The following DHX8 variants were observed in gnomAD, a reference collection of about 807,000 sequenced individuals.
DHX8 encodes ATP-dependent RNA helicase DHX8.
Under a neutral mutation model 140.7 loss-of-function variants are expected in DHX8, and 67 were observed. The ratio of observed to expected loss-of-function variants is 0.48; its 90% CI spans 0.39 to 0.58. The LOEUF is 0.58. DHX8 is among the 20% of genes least tolerant of loss of function. The pLI is 0.00. For synonymous variants in DHX8, 533 were observed against 553.2 expected, an observed-to-expected ratio of 0.96 and a Z score of 0.51; for missense variants, 887 against 1,550.7, an observed-to-expected ratio of 0.57 and a Z score of 7.19.
intron 2 of DHX8, chr17:43,532,838 G>A (rs1429973238): frequency 1.2e-6 from 2 of 1,613,728 alleles, no homozygotes; most frequent in Non-Finnish European, 1.7e-6. Flanking sequence ...GGGTGGGCAG[G>A]GCTCCGACAG....
intron 3 of DHX8, among the ~76,000 whole-genome samples, chr17:43,538,140 C>CAA (rs34924870): frequency 9.0e-6 from 1 of 110,740 alleles, no homozygotes; most frequent in Non-Finnish European, 1.9e-5. Context: ...GACTCCATTT[C>CAA]AAAAAAAAAA....
chr17:43,502,026 G>A (rs1047844246), intron 11 of DHX8, among the ~76,000 whole-genome samples: 1 of 152,196 alleles, frequency 6.6e-6, no homozygotes, highest in African/African-American at 2.4e-5. Context: ...CCAGGTTTCT[G>A]GTATGAGCAC....
chr17:43,540,317 G>A (rs1294231782), intron 3 of DHX8, among the ~76,000 whole-genome samples: 2 of 152,162 alleles, frequency 1.3e-5, no homozygotes, highest in Non-Finnish European at 2.9e-5. Flanking sequence ...GCCAGGCATG[G>A]TGGTTCTCGC....
At chr17:43,487,315 C>T (rs1282608756) in intron 1 of DHX8, among the ~76,000 whole-genome samples, 2 of 152,214 alleles carry the variant, frequency 1.3e-5, no homozygotes, top group Non-Finnish European at 2.9e-5. Context: ...GATAAAGGCA[C>T]ATTCCAGGAT....
downstream of DHX8, chr17:43,544,657 T>C (rs541746436): frequency 5.4e-4 from 132 of 246,068 alleles, no homozygotes; most frequent in South Asian, 0.01. Context: ...ACTTTACAAA[T>C]GAAAATTTCA....
Position 43,508,454 on chromosome 17 carries a change from G to A in DHX8, c.2436G>A (p.Val812=), listed in dbSNP as rs752133812. Residue 812 remains valine, a synonymous_variant, in exon 16 of 23, where the codon GTG becomes GTA. Coordinates refer to ENST00000262415, the MANE Select transcript of DHX8 (RefSeq NM_004941.3). ...PDVPELIILP[V]YSALPSEMQT... The stretch of plus-strand genomic sequence containing the variant: ...TTCCAGAGTTAATTATCCTCCCAGT[G>A]TACTCTGCTCTTCCCAGTGAGATGC... The A allele has an allele frequency of 6.2e-6, 10 of 1,613,820 alleles. No individual in the cohort carries two copies. Among genetic ancestry groups the A allele is most frequent in the Non-Finnish European group, 8.5e-6 (10 of 1,179,896 alleles).
chr17:43,533,685 G>A (rs753929955), intron 2 of DHX8, among the ~76,000 whole-genome samples: 8 of 152,024 alleles, frequency 5.3e-5, no homozygotes, highest in Non-Finnish European at 8.8e-5. Flanking sequence ...CCTCTGCTGC[G>A]TTTTCCGTCT....
chr17:43,530,764 A>T (rs1970885006), downstream of DHX8, among the ~76,000 whole-genome samples: 1 of 151,234 alleles, frequency 6.6e-6, no homozygotes, highest in African/African-American at 2.4e-5. Flanking sequence ...GAACCTTCCC[A>T]CTCCACATCG....
At chr17:43,533,182 C>T (rs1164072564) in intron 2 of DHX8, 1 of 1,613,438 alleles carries the variant, frequency 6.2e-7, no homozygotes, top group South Asian at 1.1e-5. Context: ...TCCCTGTCTC[C>T]TTACCTATGT....
intron 3 of DHX8, among the ~76,000 whole-genome samples, chr17:43,541,176 C>G (rs1300790268): frequency 6.6e-6 from 1 of 152,190 alleles, no homozygotes; most frequent in Non-Finnish European, 1.5e-5. Flanking sequence ...CTCAGCCCCT[C>G]CCCCAAACAC....
At chr17:43,528,595 T>C, downstream of DHX8, 1 of 1,614,064 alleles carries the variant, frequency 6.2e-7, no homozygotes, top group South Asian at 1.1e-5. Context: ...GGGGCTCTCA[T>C]CCAAGTGGGA....
At chr17:43,526,881 G>A, downstream of DHX8, 1 of 333,790 alleles carries the variant, frequency 3.0e-6, no homozygotes, top group South Asian at 3.9e-5. Flanking sequence ...CCTTTTATTT[G>A]TGGGTAGTAG....
Position 43,513,347 on chromosome 17 carries a change from C to A in DHX8, c.2503-15C>A. 1 of 1,610,942 alleles carries A rather than the reference C, an allele frequency of 6.2e-7. No individual in the cohort carries two copies. The highest frequency in any genetic ancestry group is 8.5e-7 in the Non-Finnish European group (1 of 1,178,336). The stretch of plus-strand genomic sequence containing the variant: ...CCTGGGCACCTCACTCCAGCTTTGC[C>A]CCTCTTGCCTGCAGGTTGTGATTGC... On this transcript the variant is annotated splice_polypyrimidine_tract_variant and intron_variant, in intron 16 of 22. Transcript: ENST00000262415.
At chr17:43,533,186 C>T in intron 2 of DHX8, 4 of 1,613,432 alleles carry the variant, frequency 2.5e-6, no homozygotes, top group Non-Finnish European at 3.4e-6. Context: ...TGTCTCCTTA[C>T]CTATGTTCCC....
rs1970585309 is a variant in DHX8, at chr17:43,525,572, T to G, written c.*1725T>G. On this transcript the variant is annotated 3_prime_UTR_variant, in exon 23 of 23. Transcript: ENST00000262415. ...TTGAAGGCCTTCTGGGGAGAGACAGTACAGGGACCTCAAATGAAACCAAAG... is the reference window on the plus strand; with the variant it reads ...TTGAAGGCCTTCTGGGGAGAGACAGGACAGGGACCTCAAATGAAACCAAAG... 1 of 985,488 alleles carries G rather than the reference T, an allele frequency of 1.0e-6. No homozygotes were observed. Among genetic ancestry groups the G allele is most frequent in the Middle Eastern group, 5.2e-4 (1 of 1,914 alleles). 61.0% of individuals were successfully genotyped at this position (985,488 alleles called of 1,614,324 possible).
chr17:43,517,362 G>A lies in DHX8; in HGVS notation c.2799+40G>A, dbSNP rs2047787013. 4 of 1,591,636 alleles carry A rather than the reference G, an allele frequency of 2.5e-6. No individual in the cohort carries two copies. The Admixed American group carries it at 7.1e-5, about 28-fold the overall frequency. On this transcript the variant is annotated intron_variant, in intron 18 of 22. Transcript: ENST00000262415. ...CTTGTTAAAATGGGTTGGTGGAACAGTCCAATCCTGGCCTTCATAAATGAA... is the reference window on the plus strand; with the variant it reads ...CTTGTTAAAATGGGTTGGTGGAACAATCCAATCCTGGCCTTCATAAATGAA...
At position 43,522,087 on chromosome 17, in the gene DHX8, C is replaced by T; in HGVS notation, c.3304C>T (p.Arg1102Ter). 3.7e-6 allele frequency: 6 copies of T among 1,614,054 alleles called. No homozygotes were observed. The highest frequency in any genetic ancestry group is 5.1e-6 in the Non-Finnish European group (6 of 1,179,988). ...TGTTTCCTGTGGCAAGTCCACAGTC[C>T]GAGTGCAGAAGGCCATCTGCAGTGG... Reference protein sequence around the residue: ...DVVSCGKSTVRVQKAICSGFF... With the variant: ...DVVSCGKSTV The change falls in exon 22 of 23, where the codon CGA becomes TGA. Residue 1102 changes from arginine (R) to a stop codon, truncating the protein, a stop_gained. Transcript: ENST00000262415. LOFTEE classifies it high-confidence loss of function.
rs145512894 is a variant in DHX8 at position 43,531,889 on chromosome 17, G to A, written c.351-4523G>A. ...TTGTATTTCCCAACTCTGCACACTCGTGTTCCTGTCACAGTAGTTTGGTCT... is the reference window on the plus strand; with the variant it reads ...TTGTATTTCCCAACTCTGCACACTCATGTTCCTGTCACAGTAGTTTGGTCT... On this transcript the variant is annotated intron_variant, in intron 2 of 3. Transcript: ENST00000589898. 2.0e-3 allele frequency among the ~76,000 whole-genome samples: 301 copies of A among 152,236 alleles called. 2 individuals are homozygous for A. Among genetic ancestry groups the A allele is most frequent in the African/African-American group, 7.1e-3 (294 of 41,538 alleles).
intron 11 of DHX8, among the ~76,000 whole-genome samples, chr17:43,502,047 G>A (rs1013950198): frequency 2.6e-5 from 4 of 152,196 alleles, no homozygotes; most frequent in Admixed American, 1.3e-4. Flanking sequence ...TAGGATGAAT[G>A]ATGGGAACAC....
Sources: allele counts gnomAD v4.1 joint callset (sites outside exome capture counted in the v4.1 genomes callset), GRCh38; gene constraint gnomAD v4.1.1; transcripts MANE v1.5; gene names NCBI Gene and HGNC (gene_info 2026-07-23, HGNC 2026-07-21).